Variants in SCYL1 observed in about 807,000 individuals in gnomAD.
The protein encoded by SCYL1 is N-terminal kinase-like protein.
A neutral mutation model predicts 94.8 loss-of-function variants in SCYL1; 85 were observed. That is an observed-to-expected ratio of 0.90 (90% CI 0.75 to 1.07). The LOEUF (loss-of-function observed/expected upper bound fraction) is 1.07. Ranked by LOEUF, SCYL1 falls within the 50% of genes least tolerant of loss-of-function variation. The pLI is 0.00. For missense variants in SCYL1, 968 were observed against 1,083.3 expected (o/e 0.89, Z 1.49); for synonymous variants, 459 against 435.5 (o/e 1.05, Z -0.67).
chr11:65,532,161 T>A (rs1855407323), intron 8 of SCYL1, among the ~76,000 whole-genome samples: 1 of 152,122 alleles, frequency 6.6e-6, no homozygotes, highest in Admixed American at 6.6e-5. Context: ...CAGTGGCTCA[T>A]GCCTGTAATC....
At chr11:65,533,962 G>T (rs1259203466) in intron 9 of SCYL1, among the ~76,000 whole-genome samples, 6 of 152,260 alleles carry the variant, frequency 3.9e-5, no homozygotes, top group Admixed American at 2.0e-4. Context: ...GGGCCCGGTT[G>T]CTCACACCTG....
intron 10 of SCYL1, 53 bp downstream of exon 10, chr11:65,535,435 C>T (rs1238339240): frequency 1.9e-6 from 3 of 1,596,668 alleles, no homozygotes; most frequent in Non-Finnish European, 8.6e-7. Flanking sequence ...GGACCACAGC[C>T]TCCTCCAGGG....
In SCYL1 at chr11:65,538,621, T is replaced by C; in HGVS notation, c.*55T>C. The stretch of plus-strand genomic sequence containing the variant: ...AGAGCCCGCCCCACAGATGTATTTA[T>C]TGTACAAACCATGTGAGCCCGGCCG... On this transcript the variant is annotated 3_prime_UTR_variant, in exon 18 of 18. Coordinates refer to ENST00000270176, the MANE Select transcript of SCYL1 (RefSeq NM_020680.4). 6.3e-7 allele frequency: 1 copy of C among 1,577,246 alleles called. No homozygotes were observed. The highest frequency in any genetic ancestry group is 1.1e-5 in the South Asian group (1 of 87,080).
Position 65,536,648 on chromosome 11 carries a change from TG to T in SCYL1, c.1717del (p.Ala573ProfsTer2). The T allele has an allele frequency of 6.2e-7, 1 of 1,614,088 alleles. No homozygotes were observed. The highest frequency in any genetic ancestry group is 8.5e-7 in the Non-Finnish European group (1 of 1,179,980). ...MGGAAASWAG[W>X]AVTGVSSLTS... The stretch of plus-strand genomic sequence containing the variant: ...AGGAGCCGCAGCTAGCTGGGCAGGC[TG>T]GGCCGTGACCGGGGTCTCCTCACTC... On this transcript the variant is annotated frameshift_variant, in exon 13 of 18. Transcript: ENST00000270176. LOFTEE classifies it high-confidence loss of function.
Position 65,538,173 on chromosome 11 carries a change from C to T in SCYL1, c.2238C>T (p.Pro746=), listed in dbSNP as rs375224224. 1.9e-5 allele frequency: 30 copies of T among 1,585,992 alleles called. No homozygotes were observed. The highest frequency in any genetic ancestry group is 2.3e-5 in the Non-Finnish European group (27 of 1,166,054). ...CCTTCGCTACCCTGTCTGCACGTCCCAGCACCCAGGTACCCAGCACAGGTC... is the reference window on the plus strand; with the variant it reads ...CCTTCGCTACCCTGTCTGCACGTCCTAGCACCCAGGTACCCAGCACAGGTC... ...GDPFATLSAR[P]STQPRPDSWG... Residue 746 remains proline (P), a synonymous_variant, in exon 16 of 18, where the codon CCC becomes CCT. Coordinates refer to ENST00000270176, the MANE Select transcript of SCYL1 (RefSeq NM_020680.4).
rs1280467947 is a variant in SCYL1, at chr11:65,526,093, G to A, written c.376-31G>A. The A allele has an allele frequency of 1.2e-6, 2 of 1,612,042 alleles. No individual in the cohort carries two copies. Among genetic ancestry groups the A allele is most frequent in the Admixed American group, 3.3e-5 (2 of 59,992 alleles). Reference sequence around the variant, plus strand: ...AGAGCAGGGATGGGGGGTTGCAGGTGCTGGGGCGTGATGGCTCCTTTTGCC... The same window carrying A: ...AGAGCAGGGATGGGGGGTTGCAGGTACTGGGGCGTGATGGCTCCTTTTGCC... On this transcript the variant is annotated intron_variant, in intron 3 of 17. Transcript: ENST00000270176. This position sits in a 1 kb window ranked among gnomAD's most constrained non-coding sequence, Gnocchi z 4.1.
intron 7 of SCYL1, among the ~76,000 whole-genome samples, chr11:65,531,177 G>A (rs929076978): frequency 2.0e-5 from 3 of 152,172 alleles, no homozygotes; most frequent in South Asian, 2.1e-4. Flanking sequence ...ACCCCAGCCC[G>A]CCTTTTTATG....
rs749966732 is a variant in SCYL1, at chr11:65,526,990, G to C, written c.722G>C (p.Cys241Ser). Residue 241 changes from cysteine to serine, a missense_variant, in exon 6 of 18, where the codon TGT becomes TCT. Cys to Ser is a moderately radical substitution (Grantham distance 112, BLOSUM62 -1). Around this residue, in one of 2 missense-constraint regions of SCYL1, gnomAD observed 494 missense variants for 619.7 expected, o/e 0.80. Coordinates refer to ENST00000270176, the MANE Select transcript of SCYL1 (RefSeq NM_020680.4). This position sits in a 1 kb window ranked among gnomAD's most constrained non-coding sequence, Gnocchi z 4.1. Reference sequence around the variant, plus strand: ...CCCAAAACGCTGGTGCCCCATTACTGTGAGCTGGTGGGAGCAAACCCCAAG... The same window carrying C: ...CCCAAAACGCTGGTGCCCCATTACTCTGAGCTGGTGGGAGCAAACCCCAAG... ...KIPKTLVPHY[C>S]ELVGANPKVR... is the part of the protein sequence containing the mutation. 6 of 1,612,956 alleles carry C rather than the reference G, an allele frequency of 3.7e-6. No homozygotes were observed. The highest frequency in any genetic ancestry group is 5.1e-6 in the Non-Finnish European group (6 of 1,179,758).
Position 65,531,654 on chromosome 11 carries a change from C to G in SCYL1, c.1087C>G (p.Arg363Gly), listed in dbSNP as rs371744623. The G allele has an allele frequency of 1.9e-6, 3 of 1,613,642 alleles. No homozygotes were observed. The highest frequency in any genetic ancestry group is 1.7e-6 in the Non-Finnish European group (2 of 1,179,756). ...VVVKMFSSTD[R>G]AMRIRLLQQM... ...GGTCAAGATGTTCTCATCCACTGAC[C>G]GGGCCATGCGCATCCGCCTCCTGCA... is the stretch of plus-strand genomic sequence containing the variant. Residue 363 changes from arginine (R) to glycine (G), a missense_variant, in exon 8 of 18, where the codon CGG becomes GGG. Arg to Gly is a moderately radical substitution (Grantham distance 125). Transcript: ENST00000270176.
chr11:65,528,103 C>T (rs1855180445), intron 6 of SCYL1, among the ~76,000 whole-genome samples: 1 of 152,190 alleles, frequency 6.6e-6, no homozygotes, highest in African/African-American at 2.4e-5. Context: ...AGACCAGATC[C>T]CCAACCTTGG....
chr11:65,533,558 C>T (rs1427839897), intron 9 of SCYL1, among the ~76,000 whole-genome samples: 2 of 152,146 alleles, frequency 1.3e-5, no homozygotes, highest in Non-Finnish European at 2.9e-5. Flanking sequence ...GTGGGAGGAT[C>T]GCTTGAGCCC....
At chr11:65,537,463 A>T (rs935411994) in intron 14 of SCYL1, among the ~76,000 whole-genome samples, 1 of 151,676 alleles carries the variant, frequency 6.6e-6, no homozygotes, top group Non-Finnish European at 1.5e-5. Context: ...CTAGAACCAG[A>T]CCAGTTCTGC....
Position 65,538,019 on chromosome 11 carries a change from G to C in SCYL1, c.2084G>C (p.Ser695Thr). ...SSKSPESDWS[S>T]WEAEGSWEQG... ...AAATCCCCAGAGTCCGACTGGAGCA[G>C]CTGGGAAGCTGAGGGCTCCTGGGAA... Residue 695 changes from serine (S) to threonine (T), a missense_variant, in exon 16 of 18, where the codon AGC (serine) becomes ACC (threonine). Around this residue, in one of 2 missense-constraint regions of SCYL1, gnomAD observed 474 missense variants for 463.6 expected, o/e 1.02. Coordinates refer to ENST00000270176, the MANE Select transcript of SCYL1 (RefSeq NM_020680.4). The C allele has an allele frequency of 1.2e-6, 2 of 1,612,916 alleles. No individual in the cohort carries two copies. Among genetic ancestry groups the C allele is most frequent in the African/African-American group, 1.3e-5 (1 of 75,040 alleles).
intron 6 of SCYL1, 56 bp downstream of exon 6, chr11:65,527,173 C>T: frequency 1.3e-6 from 2 of 1,581,624 alleles, no homozygotes; most frequent in Non-Finnish European, 1.7e-6. Flanking sequence ...CTGCCCCTAC[C>T]CTGCTTTTCA....
Position 65,537,061 on chromosome 11 carries a change from A to C in SCYL1, c.1892A>C (p.Asp631Ala), listed in dbSNP as rs1284821695. The C allele has an allele frequency of 3.1e-6, 5 of 1,613,452 alleles. No homozygotes were observed. The African/African-American group carries it at 6.7e-5, about 22-fold the overall frequency. Residue 631 changes from aspartate to alanine, a missense_variant, in exon 14 of 18, where the codon GAC becomes GCC. Asp to Ala is a moderately radical substitution (Grantham distance 126). Around this residue, in one of 2 missense-constraint regions of SCYL1, gnomAD observed 474 missense variants for 463.6 expected, o/e 1.02. Transcript: ENST00000270176. The stretch of plus-strand genomic sequence containing the variant: ...GGCCACTGGGAGACGCAGGAGGAGG[A>C]CAAGGACACAGCAGAGGACAGCAGC... ...TSGHWETQEE[D>A]KDTAEDSSTA...
intron 2 of SCYL1, 50 bp from the exon 3 acceptor site, chr11:65,525,871 C>G (rs1855047803): frequency 3.1e-6 from 5 of 1,596,764 alleles, no homozygotes; most frequent in Admixed American, 1.7e-5. Flanking sequence ...GCTTATCTCT[C>G]CTTCCTCTCT....
At position 65,525,383 on chromosome 11, in the gene SCYL1, G is replaced by A; in HGVS notation, c.111+119G>A. ...CGGCGGAACCAAGGGGTAGCAGGCCGGGGAGGGGGCGGGCAGTGCCTACGT... is the reference window on the plus strand; with the variant it reads ...CGGCGGAACCAAGGGGTAGCAGGCCAGGGAGGGGGCGGGCAGTGCCTACGT... On this transcript the variant is annotated intron_variant, in intron 1 of 17. Coordinates refer to ENST00000270176, the MANE Select transcript of SCYL1 (RefSeq NM_020680.4). The A allele has an allele frequency of 4.8e-6, 5 of 1,049,710 alleles. No individual in the cohort carries two copies. In the East Asian group the frequency reaches 8.7e-5, roughly 18 times the overall value. The allele number at this position is 1,049,710 out of a possible 1,614,324, so 65.0% of individuals were successfully genotyped here. A position where few individuals can be genotyped will look rare whatever the true frequency, so the allele number is the denominator to read the frequency against.
intron 13 of SCYL1, 62 bp from the exon 14 acceptor site, chr11:65,536,924 C>A: frequency 7.2e-7 from 1 of 1,389,524 alleles, no homozygotes; most frequent in Non-Finnish European, 1.0e-6. Flanking sequence ...GCCCCCTTCC[C>A]CTAGCAGCCT....
chr11:65,526,721 G>T lies in SCYL1; in HGVS notation c.603-62G>T. The T allele has an allele frequency of 6.6e-7, 1 of 1,520,964 alleles. No individual in the cohort carries two copies. The allele number at this position is 1,520,964 out of a possible 1,614,324, so 94.2% of individuals were successfully genotyped here. A position where few individuals can be genotyped will look rare whatever the true frequency, so the allele number is the denominator to read the frequency against. On this transcript the variant is annotated intron_variant, in intron 4 of 17. Transcript: ENST00000270176. The surrounding 1 kb of genome is among the most constrained non-coding windows in gnomAD (Gnocchi z 4.1). ...ATGCAGTGGGTGCCTGGTGCCCAAGGCAGGCTGGAGGCCTGTGCAGGTGGT... is the reference window on the plus strand; with the variant it reads ...ATGCAGTGGGTGCCTGGTGCCCAAGTCAGGCTGGAGGCCTGTGCAGGTGGT...
Sources: allele counts gnomAD v4.1 joint callset (sites outside exome capture counted in the v4.1 genomes callset), GRCh38; gene constraint gnomAD v4.1.1; regional missense constraint gnomAD v4.1.1; non-coding constraint Gnocchi (gnomAD v3.1); transcripts MANE v1.5; gene names NCBI Gene and HGNC (gene_info 2026-07-23, HGNC 2026-07-21).